The following TRDN variants were observed in gnomAD, a reference collection of about 807,000 sequenced individuals.
TRDN encodes triadin in skeletal muscle.
TRDN carries 161 observed loss-of-function variants against 149.7 expected under a neutral mutation model. The ratio of observed to expected loss-of-function variants is 1.08; its 90% CI spans 0.95 to 1.23. The LOEUF (loss-of-function observed/expected upper bound fraction) is 1.23. Ranked by LOEUF, TRDN falls within the 50% of genes most tolerant of loss-of-function variation. The pLI is 0.00. For synonymous variants in TRDN, 294 were observed against 250.5 expected, an observed-to-expected ratio of 1.17 and a Z score of -1.64; for missense variants, 896 against 823.5, an observed-to-expected ratio of 1.09 and a Z score of -1.08.
intron 10 of TRDN, among the ~76,000 whole-genome samples, chr6:123,450,522 A>C (rs1013433808): frequency 6.6e-6 from 1 of 152,206 alleles, no homozygotes; most frequent in Non-Finnish European, 1.5e-5. Context: ...ATATAATGGT[A>C]AAAGGTCTTG....
At chr6:123,346,414 T>C (rs563493007) in intron 21 of TRDN, among the ~76,000 whole-genome samples, 24 of 152,018 alleles carry the variant, frequency 1.6e-4, no homozygotes, top group Non-Finnish European at 3.2e-4. Flanking sequence ...TGATTTTTTA[T>C]ATTTTAGATT....
intron 10 of TRDN, chr6:123,464,432 G>A: frequency 1.1e-6 from 1 of 951,980 alleles, no homozygotes. Context: ...AATAACGCTA[G>A]GAGATCAGTG....
intron 13 of TRDN, among the ~76,000 whole-genome samples, chr6:123,390,137 G>T (rs1039607785): frequency 6.6e-6 from 1 of 152,020 alleles, no homozygotes; most frequent in Non-Finnish European, 1.5e-5. Context: ...TGCTCTGAAC[G>T]CTAAACTTCA....
rs1778806177 is a variant in TRDN, at chr6:123,503,901, T to C, written c.611A>G (p.Glu204Gly). 1 of 1,553,244 alleles carries C rather than the reference T, an allele frequency of 6.4e-7. No individual in the cohort carries two copies. The highest frequency in any genetic ancestry group is 1.4e-5 in the African/African-American group (1 of 73,144). Residue 204 changes from glutamate to glycine, a missense_variant and splice_region_variant, in exon 8 of 41, where the codon GAA becomes GGA. Transcript: ENST00000334268. ...EKPETKTLAKEQKKAKTAEKS... is the reference protein window; with the variant it reads ...EKPETKTLAKGQKKAKTAEKS... ...TTCTGCAGTCTTAGCTTTCTTCTGT[T>C]CTGTATAAAGTTAAAAGATGTTGAA...
At chr6:123,503,968 A>G in intron 7 of TRDN, 67 bp from the exon 8 acceptor site, 12 of 1,454,372 alleles carry the variant, frequency 8.3e-6, no homozygotes, top group Non-Finnish European at 1.0e-5. Flanking sequence ...CATCTGTACT[A>G]TGTCATTAAG....
rs1466073494 is a variant in TRDN, at chr6:123,369,970, T to A, written c.1274-3788A>T. Among the ~76,000 whole-genome samples the A allele has an allele frequency of 3.3e-5, 5 of 152,278 alleles. No individual in the cohort carries two copies. The East Asian group carries it at 9.7e-4, about 29-fold the overall frequency. The stretch of plus-strand genomic sequence containing the variant: ...CTATATGACATTTTCAGCTACCTCA[T>A]CTCTCTGCATAGAGCTGCTACACTC... On this transcript the variant is annotated intron_variant, in intron 19 of 40. Transcript: ENST00000334268.
chr6:123,573,393 A>T (rs1004631253), intron 1 of TRDN, among the ~76,000 whole-genome samples: 4 of 151,968 alleles, frequency 2.6e-5, no homozygotes, highest in Admixed American at 6.6e-5. Context: ...CATCACCACT[A>T]TTTTCATTTA....
chr6:123,416,941 G>A (rs1773678451), intron 12 of TRDN, among the ~76,000 whole-genome samples: 1 of 152,120 alleles, frequency 6.6e-6, no homozygotes, highest in South Asian at 2.1e-4. Flanking sequence ...GACCTTAGGT[G>A]ATCCACCTGC....
intron 24 of TRDN, among the ~76,000 whole-genome samples, chr6:123,294,781 C>T (rs1028871823): frequency 3.3e-5 from 5 of 152,180 alleles, no homozygotes; most frequent in East Asian, 1.9e-4. Flanking sequence ...TAGATTACCA[C>T]GATTTTACCA....
intron 12 of TRDN, among the ~76,000 whole-genome samples, chr6:123,402,451 A>AT (rs36011206): frequency 6.6e-6 from 1 of 152,046 alleles, no homozygotes; most frequent in Non-Finnish European, 1.5e-5. Context: ...TTTATGCATC[A>AT]TTTTTTGCTC....
At chr6:123,511,469 A>G (rs930738107) in intron 7 of TRDN, among the ~76,000 whole-genome samples, 3 of 152,186 alleles carry the variant, frequency 2.0e-5, no homozygotes, top group Non-Finnish European at 2.9e-5. Context: ...ACAACTATGT[A>G]CCTATAAATA....
intron 10 of TRDN, among the ~76,000 whole-genome samples, chr6:123,441,364 C>T (rs1173071183): frequency 6.6e-6 from 1 of 152,114 alleles, no homozygotes; most frequent in Non-Finnish European, 1.5e-5. Flanking sequence ...ATTGGTTTGC[C>T]ATTTTGTTTG....
Position 123,271,160 on chromosome 6 carries a change from CT to C in TRDN, c.1698del (p.Ala567LeufsTer4). ...KPEEKVLKQVKAVTIEKTAKP... is the reference protein window; with the variant it reads ...KPEEKVLKQVXAVTIEKTAKP... Reference sequence around the variant, plus strand: ...TTACCTGTTTTTTCTATTGTGACAGCTTTTACCTGCTTGAGAACTTTTTCTT... The same window carrying C: ...TTACCTGTTTTTTCTATTGTGACAGCTTTACCTGCTTGAGAACTTTTTCTT... On this transcript the variant is annotated frameshift_variant, in exon 30 of 41. Coordinates refer to ENST00000334268, the MANE Select transcript of TRDN (RefSeq NM_006073.4). LOFTEE classifies it high-confidence loss of function. 1.3e-6 allele frequency: 2 copies of C among 1,536,374 alleles called. No individual in the cohort carries two copies. The highest frequency in any genetic ancestry group is 1.8e-6 in the Non-Finnish European group (2 of 1,142,470).
chr6:123,623,449 G>A (rs183167329), intron 1 of TRDN, among the ~76,000 whole-genome samples: 1 of 152,036 alleles, frequency 6.6e-6, no homozygotes, highest in African/African-American at 2.4e-5. Flanking sequence ...AAAATTTTGG[G>A]GGTGTTTATG....
chr6:123,339,008 G>A (rs1732959946), intron 21 of TRDN, among the ~76,000 whole-genome samples: 1 of 151,788 alleles, frequency 6.6e-6, no homozygotes, highest in Admixed American at 6.6e-5. Flanking sequence ...ATGTATTAGG[G>A]GTTTTTTTTT....
At chr6:123,611,637 CA>C (rs2114680286) in intron 1 of TRDN, among the ~76,000 whole-genome samples, 1 of 152,096 alleles carries the variant, frequency 6.6e-6, no homozygotes, top group Non-Finnish European at 1.5e-5. Flanking sequence ...TATCATAGAT[CA>C]AAAAAGCTGC....
intron 9 of TRDN, among the ~76,000 whole-genome samples, chr6:123,474,411 C>T (rs891849645): frequency 3.3e-5 from 5 of 151,988 alleles, no homozygotes; most frequent in African/African-American, 1.2e-4. Flanking sequence ...TACAGGAGTA[C>T]CAAGATTCAT....
At chr6:123,302,498 T>C (rs546393514) in intron 24 of TRDN, among the ~76,000 whole-genome samples, 1 of 152,206 alleles carries the variant, frequency 6.6e-6, no homozygotes, top group South Asian at 2.1e-4. Flanking sequence ...ATCAAGTGAG[T>C]GGGTGGATGA....
chr6:123,530,444 C>A, intron 5 of TRDN, 62 bp downstream of exon 5: 1 of 985,190 alleles, frequency 1.0e-6, no homozygotes, highest in South Asian at 2.4e-5. Flanking sequence ...AATTTTTTCT[C>A]GCATATGAAT....
Sources: allele counts gnomAD v4.1 joint callset (sites outside exome capture counted in the v4.1 genomes callset), GRCh38; gene constraint gnomAD v4.1.1; transcripts MANE v1.5; gene names NCBI Gene and HGNC (gene_info 2026-07-23, HGNC 2026-07-21).